Variants in ANKH observed in about 807,000 individuals in gnomAD.
The protein encoded by ANKH is ANKH inorganic pyrophosphate transport regulator.
A neutral mutation model predicts 49.0 loss-of-function variants in ANKH; 15 were observed. The ratio of observed to expected loss-of-function variants is 0.31; its 90% CI spans 0.20 to 0.47. The LOEUF is 0.47. Among genes scored for constraint, ANKH ranks in the 20% least tolerant of loss-of-function variants. The pLI, the probability that ANKH is intolerant of heterozygous loss-of-function variation, is 1.00. For synonymous variants in ANKH, 273 were observed against 260.0 expected, an observed-to-expected ratio of 1.05 and a Z score of -0.48; for missense variants, 429 against 652.0, an observed-to-expected ratio of 0.66 and a Z score of 3.72.
At chr5:14,818,644 CAAAAAAAAAAA>C (rs34629052) in intron 1 of ANKH, among the ~76,000 whole-genome samples, 1 of 64,908 alleles carries the variant, frequency 1.5e-5, no homozygotes, top group Non-Finnish European at 2.8e-5. Flanking sequence ...AACTCCATCT[CAAAAAAAAAAA>C]AAAAAAAAAA....
chr5:14,721,001 C>A (rs1172615074), intron 8 of ANKH, among the ~76,000 whole-genome samples: 1 of 152,222 alleles, frequency 6.6e-6, no homozygotes, highest in Non-Finnish European at 1.5e-5. Context: ...GAGGCGTTTT[C>A]CCATCTTGTA....
chr5:14,711,029 G>GCATACCCAGTAT lies in ANKH; in HGVS notation c.*156_*167dup. ...TCACTAGGTCCCCCCGTCAGTGTGA[G>GCATACCCAGTAT]CATACCCAGTATGCTAGAGAATTGA... On this transcript the variant is annotated 3_prime_UTR_variant, in exon 12 of 12. Transcript: ENST00000284268. 1 of 693,832 alleles carries GCATACCCAGTAT rather than the reference G, an allele frequency of 1.4e-6. No homozygotes were observed. Among genetic ancestry groups the GCATACCCAGTAT allele is most frequent in the Non-Finnish European group, 2.6e-6 (1 of 382,050 alleles). The allele number at this position is 693,832 out of a possible 1,614,324, so 43.0% of individuals were successfully genotyped here.
intron 1 of ANKH, among the ~76,000 whole-genome samples, chr5:14,786,174 G>C (rs1430902596): frequency 6.6e-6 from 1 of 151,620 alleles, no homozygotes; most frequent in Non-Finnish European, 1.5e-5. Context: ...CATAAACTGT[G>C]TCACTCCCAG....
In ANKH at chr5:14,835,229, T is replaced by A. The variant is rs1035237426; in HGVS notation, c.96+36123A>T. Among the ~76,000 whole-genome samples the A allele has an allele frequency of 2.0e-5, 3 of 152,220 alleles. No individual in the cohort carries two copies. In the South Asian group the frequency reaches 6.2e-4, roughly 32 times the overall value. On this transcript the variant is annotated intron_variant, in intron 1 of 11. Coordinates refer to ENST00000284268, the MANE Select transcript of ANKH (RefSeq NM_054027.6). ...TGACCAGGCTTAACTGGAAACCACATATATTTTTAATTCTGTTGAGACTGA... is the reference window on the plus strand; with the variant it reads ...TGACCAGGCTTAACTGGAAACCACAAATATTTTTAATTCTGTTGAGACTGA...
intron 8 of ANKH, 156 bp from the exon 9 acceptor site, chr5:14,716,991 G>T: frequency 1.1e-6 from 1 of 884,262 alleles, no homozygotes; most frequent in Non-Finnish European, 1.8e-6. Context: ...CCACCTGCTT[G>T]CTTGACTCTC....
Position 14,716,687 on chromosome 5 carries a change from T to G in ANKH, c.1141+19A>C, listed in dbSNP as rs1268596814. On this transcript the variant is annotated intron_variant, in intron 9 of 11. Transcript: ENST00000284268. Reference sequence around the variant, plus strand: ...ATGAGGATAAACAGGAATGCTTCCTTCATTCTGTTTTTCTTTACCTGGAAC... The same window carrying G: ...ATGAGGATAAACAGGAATGCTTCCTGCATTCTGTTTTTCTTTACCTGGAAC... 1.2e-6 allele frequency: 2 copies of G among 1,613,722 alleles called. No individual in the cohort carries two copies. The highest frequency in any genetic ancestry group is 1.7e-5 in the Admixed American group (1 of 60,012).
intron 1 of ANKH, among the ~76,000 whole-genome samples, chr5:14,793,527 G>C (rs1179853541): frequency 6.6e-6 from 1 of 152,116 alleles, no homozygotes; most frequent in East Asian, 1.9e-4. Context: ...GAGCAGCAAG[G>C]TAAGTGGTAA....
At chr5:14,791,574 C>A (rs776153790) in intron 1 of ANKH, among the ~76,000 whole-genome samples, 1 of 152,116 alleles carries the variant, frequency 6.6e-6, no homozygotes. Flanking sequence ...AAATCAGCCA[C>A]CCCAAAGTCA....
chr5:14,729,280 C>T (rs552717101), intron 8 of ANKH, among the ~76,000 whole-genome samples: 6 of 151,520 alleles, frequency 4.0e-5, no homozygotes, highest in African/African-American at 7.3e-5. Flanking sequence ...CTCGAACTCC[C>T]GACCTCAGGT....
chr5:14,855,775 T>C (rs1735220084), intron 1 of ANKH, among the ~76,000 whole-genome samples: 1 of 151,726 alleles, frequency 6.6e-6, no homozygotes, highest in Non-Finnish European at 1.5e-5. Context: ...GTAACTCAGT[T>C]TTAAAAAGGC....
chr5:14,748,416 G>C (rs985389141), intron 6 of ANKH, among the ~76,000 whole-genome samples: 3 of 152,248 alleles, frequency 2.0e-5, no homozygotes, highest in Non-Finnish European at 4.4e-5. Flanking sequence ...GCCTGGACAG[G>C]GGGCCCTCGT....
chr5:14,848,281 A>C (rs1742023130), intron 1 of ANKH, among the ~76,000 whole-genome samples: 1 of 152,122 alleles, frequency 6.6e-6, no homozygotes. Flanking sequence ...TAGTGAAGAG[A>C]GCTCACTAAA....
At chr5:14,758,187 G>A (rs1738962490) in intron 3 of ANKH, among the ~76,000 whole-genome samples, 1 of 152,224 alleles carries the variant, frequency 6.6e-6, no homozygotes, top group African/African-American at 2.4e-5. Context: ...TACAAACGCT[G>A]TATGATTCCA....
At chr5:14,716,945 C>T in intron 8 of ANKH, 110 bp from the exon 9 acceptor site, 2 of 1,412,496 alleles carry the variant, frequency 1.4e-6, no homozygotes, top group Non-Finnish European at 2.0e-6. Context: ...GGACAACCGG[C>T]CTGACTGGGT....
chr5:14,789,676 T>A (rs557428676), intron 1 of ANKH, among the ~76,000 whole-genome samples: 2 of 152,322 alleles, frequency 1.3e-5, no homozygotes, highest in Non-Finnish European at 2.9e-5. Flanking sequence ...ACTTTAAGAA[T>A]AAAACAATGA....
At chr5:14,834,445 T>C (rs965135535) in intron 1 of ANKH, among the ~76,000 whole-genome samples, 22 of 152,114 alleles carry the variant, frequency 1.4e-4, no homozygotes, top group Admixed American at 5.9e-4. Context: ...AACCCATAAA[T>C]ACTGGGGATT....
chr5:14,731,968 C>T (rs374328375), intron 8 of ANKH, among the ~76,000 whole-genome samples: 7 of 152,316 alleles, frequency 4.6e-5, no homozygotes, highest in African/African-American at 9.6e-5. Flanking sequence ...GGGGTCATGA[C>T]GGGTCCCTAG....
In ANKH at chr5:14,725,670, G is replaced by C. The variant is rs1245159908; in HGVS notation, c.1012-8835C>G. On this transcript the variant is annotated intron_variant, in intron 8 of 11. Transcript: ENST00000284268. The surrounding 1 kb of genome is among the most constrained non-coding windows in gnomAD (Gnocchi z 4.0). ...CAGGGGAGTCCTCTGGAGGTGGTGA[G>C]ATTAGGACTGATTGAATTTTCCTCT... is the stretch of plus-strand genomic sequence containing the variant. Among the ~76,000 whole-genome samples, 3 of 152,348 alleles carry C rather than the reference G, an allele frequency of 2.0e-5. No individual in the cohort carries two copies. The East Asian group carries it at 5.8e-4, about 29-fold the overall frequency.
chr5:14,785,075 T>A (rs1025219222), intron 1 of ANKH, among the ~76,000 whole-genome samples: 6 of 152,224 alleles, frequency 3.9e-5, no homozygotes, highest in Admixed American at 3.3e-4. Flanking sequence ...AGCTGAGGTC[T>A]GAGAGCAGAC....
Sources: allele counts gnomAD v4.1 joint callset (sites outside exome capture counted in the v4.1 genomes callset), GRCh38; gene constraint gnomAD v4.1.1; non-coding constraint Gnocchi (gnomAD v3.1); transcripts MANE v1.5; gene names NCBI Gene and HGNC (gene_info 2026-07-23, HGNC 2026-07-21).